Variants in MAL observed in about 807,000 individuals in gnomAD.
MAL encodes mal, T cell differentiation protein (MAL blood group).
MAL carries 5 observed loss-of-function variants against 16.7 expected under a neutral mutation model. The observed-to-expected ratio is 0.30, with a 90% CI of 0.16 to 0.63. MAL has a LOEUF of 0.63. Ranked by LOEUF, MAL falls within the 30% of genes least tolerant of loss-of-function variation. MAL has a pLI of 0.82. For synonymous variants in MAL, 96 were observed against 85.5 expected (o/e 1.12, Z -0.67); for missense variants, 202 against 195.8 (o/e 1.03, Z -0.19).
intron 3 of MAL, among the ~76,000 whole-genome samples, chr2:95,050,738 TCCCCTAAAAA>T (rs1015626200): frequency 1.3e-5 from 2 of 151,976 alleles, no homozygotes; most frequent in African/African-American, 2.4e-5. Flanking sequence ...CTACAATCGC[TCCCCTAAAAA>T]GGGCCCCCTC....
At position 95,029,616 on chromosome 2, in the gene MAL, T is replaced by C. The variant is rs1674028037; in HGVS notation, c.93+3731T>C. On this transcript the variant is annotated intron_variant, in intron 1 of 3. Transcript: ENST00000309988. The stretch of plus-strand genomic sequence containing the variant: ...CCAGAGACACTTGGAGGATGTGACT[T>C]GTTGGGTCACAGGGGATATGCACAT... Among the ~76,000 whole-genome samples, 3 of 152,328 alleles carry C rather than the reference T, an allele frequency of 2.0e-5. No individual in the cohort carries two copies. In the South Asian group the frequency reaches 6.2e-4, roughly 32 times the overall value.
At chr2:95,037,980 CTGAGTGAGTGACTGAGTGGA>C (rs1674291754) in intron 1 of MAL, among the ~76,000 whole-genome samples, 4 of 76,918 alleles carry the variant, frequency 5.2e-5, no homozygotes, top group Non-Finnish European at 5.5e-5. Context: ...GAGTGAGTGA[CTGAGTGAGTGACTGAGTGGA>C]TGAGTGAGTG....
chr2:95,036,873 CTGAG>C (rs1399565024), intron 1 of MAL, among the ~76,000 whole-genome samples: 8 of 94,448 alleles, frequency 8.5e-5, no homozygotes, highest in Admixed American at 5.1e-4. Flanking sequence ...GACTGAGTGA[CTGAG>C]TGAGTAACTG....
chr2:95,026,565 CAG>C, intron 1 of MAL: 1 of 151,950 alleles, frequency 6.6e-6, no homozygotes, highest in East Asian at 2.0e-4. Flanking sequence ...TGACCTTGGG[CAG>C]GCCCGGGGCC....
rs761855577 is a variant in MAL at position 95,025,789 on chromosome 2, C to T, written c.-4C>T. On this transcript the variant is annotated 5_prime_UTR_variant, in exon 1 of 4. Coordinates refer to ENST00000309988, the MANE Select transcript of MAL (RefSeq NM_002371.4). This position sits in a 1 kb window ranked among gnomAD's most constrained non-coding sequence, Gnocchi z 5.6. ...CGTCCCAAGGCCGACGCCAGCACGC[C>T]GTCATGGCCCCCGCAGCGGCGACGG... The T allele has an allele frequency of 3.9e-6, 6 of 1,540,166 alleles. No individual in the cohort carries two copies. The highest frequency in any genetic ancestry group is 4.0e-5 in the Admixed American group (2 of 50,596).
chr2:95,036,554 G>A (rs1349122508), intron 1 of MAL, among the ~76,000 whole-genome samples: 1 of 152,222 alleles, frequency 6.6e-6, no homozygotes, highest in Non-Finnish European at 1.5e-5. Flanking sequence ...CATTTCCCTG[G>A]GTGTGCCTGC....
chr2:95,048,603 G>A (rs1281540067), intron 2 of MAL, among the ~76,000 whole-genome samples: 1 of 152,208 alleles, frequency 6.6e-6, no homozygotes, highest in African/African-American at 2.4e-5. Flanking sequence ...CTGGGAAACA[G>A]AAGCGGCCTT....
intron 2 of MAL, among the ~76,000 whole-genome samples, chr2:95,048,449 G>A (rs984913805): frequency 6.6e-6 from 1 of 152,132 alleles, no homozygotes; most frequent in Non-Finnish European, 1.5e-5. Context: ...CACCTGCAAG[G>A]GCTGTTTTCA....
rs1216639223 is a variant in MAL, at chr2:95,025,792, C to T, written c.-1C>T. 6.5e-7 allele frequency: 1 copy of T among 1,546,828 alleles called. No individual in the cohort carries two copies. Among genetic ancestry groups the T allele is most frequent in the Admixed American group, 1.9e-5 (1 of 51,482 alleles). ...CCCAAGGCCGACGCCAGCACGCCGT[C>T]ATGGCCCCCGCAGCGGCGACGGGGG... On this transcript the variant is annotated 5_prime_UTR_variant, in exon 1 of 4. Coordinates refer to ENST00000309988, the MANE Select transcript of MAL (RefSeq NM_002371.4). The surrounding 1 kb of genome is among the most constrained non-coding windows in gnomAD (Gnocchi z 5.6).
intron 1 of MAL, among the ~76,000 whole-genome samples, chr2:95,028,751 A>C (rs1031572514): frequency 6.6e-6 from 1 of 152,256 alleles, no homozygotes; most frequent in Admixed American, 6.5e-5. Flanking sequence ...TACGTGCTAC[A>C]AAGTTGATAA....
intron 3 of MAL, chr2:95,053,115 C>T (rs559751138): frequency 6.1e-5 from 24 of 395,734 alleles, no homozygotes; most frequent in African/African-American, 3.8e-4. Flanking sequence ...CAAGCTGAGA[C>T]GAATGTGATG....
chr2:95,047,965 G>C lies in MAL; in HGVS notation c.100G>C (p.Gly34Arg), dbSNP rs752335452. 4 of 1,613,310 alleles carry C rather than the reference G, an allele frequency of 2.5e-6. No homozygotes were observed. In the South Asian group the frequency reaches 4.4e-5, roughly 18 times the overall value. Residue 34 changes from glycine (G) to arginine (R), a missense_variant, in exon 2 of 4, where the codon GGG (glycine) becomes CGG (arginine). By Grantham distance (125) the Gly-to-Arg change is moderately radical. Coordinates refer to ENST00000309988, the MANE Select transcript of MAL (RefSeq NM_002371.4). ...DLLFIFEFIF[G>R]GLVWILVASS... ...CCCTCCTCCTCCCCCGCAGATCTTC[G>C]GGGGCCTGGTGTGGATCCTGGTGGC... is the stretch of plus-strand genomic sequence containing the variant.
chr2:95,042,980 A>G (rs1674505390), intron 1 of MAL, among the ~76,000 whole-genome samples: 1 of 152,116 alleles, frequency 6.6e-6, no homozygotes, highest in Admixed American at 6.6e-5. Flanking sequence ...TTTACAACAA[A>G]TCTCAGCTTT....
intron 3 of MAL, among the ~76,000 whole-genome samples, chr2:95,050,191 G>T (rs577371790): frequency 3.7e-4 from 56 of 152,290 alleles, no homozygotes; most frequent in African/African-American, 1.3e-3. Flanking sequence ...CTGACCTCAT[G>T]GGTCTCCTGA....
intron 2 of MAL, 54 bp downstream of exon 2, chr2:95,048,180 T>G: frequency 6.6e-7 from 1 of 1,516,276 alleles, no homozygotes. Flanking sequence ...GAAGTACTGG[T>G]CCCTGGCCCA....
chr2:95,035,470 G>T (rs1037310038), intron 1 of MAL, among the ~76,000 whole-genome samples: 1 of 152,086 alleles, frequency 6.6e-6, no homozygotes, highest in Non-Finnish European at 1.5e-5. Context: ...TGTGCATTCA[G>T]GAACTAGTGA....
chr2:95,025,945 G>A lies in MAL; in HGVS notation c.93+60G>A, dbSNP rs1400074196. On this transcript the variant is annotated intron_variant, in intron 1 of 3. Transcript: ENST00000309988. This position sits in a 1 kb window ranked among gnomAD's most constrained non-coding sequence, Gnocchi z 5.6. ...GGCTGAGCCGTGCGCTCTCTCGGGC[G>A]CCCAGCACAGCTGTCGGACGGGATC... The A allele has an allele frequency of 1.9e-5, 26 of 1,392,314 alleles. No individual in the cohort carries two copies. Among genetic ancestry groups the A allele is most frequent in the Non-Finnish European group, 2.4e-5 (25 of 1,023,382 alleles). 86.2% of individuals were successfully genotyped at this position (1,392,314 alleles called of 1,614,324 possible).
chr2:95,052,700 A>G (rs1674746253), intron 3 of MAL, among the ~76,000 whole-genome samples: 1 of 152,154 alleles, frequency 6.6e-6, no homozygotes. Context: ...GCCCAGGAGG[A>G]CACAGCAAGT....
chr2:95,048,081 G>A lies in MAL; in HGVS notation c.216G>A (p.Leu72=). The A allele has an allele frequency of 1.2e-6, 2 of 1,613,904 alleles. No homozygotes were observed. The highest frequency in any genetic ancestry group is 1.7e-6 in the Non-Finnish European group (2 of 1,179,836). ...CFVATTTLII[L]YIIGAHGGET... is the part of the protein sequence containing the mutation. ...TGGCCACCACCACCTTGATCATCCT[G>A]TACATAATTGGAGCCCACGGTGGAG... The change falls in exon 2 of 4, where the codon CTG becomes CTA. Residue 72 remains leucine, a synonymous_variant. Coordinates refer to ENST00000309988, the MANE Select transcript of MAL (RefSeq NM_002371.4).
Sources: allele counts gnomAD v4.1 joint callset (sites outside exome capture counted in the v4.1 genomes callset), GRCh38; gene constraint gnomAD v4.1.1; non-coding constraint Gnocchi (gnomAD v3.1); transcripts MANE v1.5; gene names NCBI Gene and HGNC (gene_info 2026-07-23, HGNC 2026-07-21).